Variants in OTOA observed in about 807,000 individuals in gnomAD.
OTOA encodes the protein cancer/testis antigen 108.
A neutral mutation model predicts 110.8 loss-of-function variants in OTOA; 70 were observed. The ratio of observed to expected loss-of-function variants is 0.63; its 90% CI spans 0.52 to 0.77. The LOEUF is 0.77. Among genes scored for constraint, OTOA ranks in the 30% least tolerant of loss-of-function variants. OTOA has a pLI of 0.00. For synonymous variants in OTOA, 373 were observed against 431.5 expected (o/e 0.86, Z 1.68); for missense variants, 917 against 1,075.8 (o/e 0.85, Z 2.06).
At chr16:21,689,024 CAGCTTAGATTGGTTACACCT>C (rs1897776470) in intron 8 of OTOA, among the ~76,000 whole-genome samples, 1 of 152,096 alleles carries the variant, frequency 6.6e-6, no homozygotes, top group African/African-American at 2.4e-5. Flanking sequence ...GATGCCATGC[CAGCTTAGATTGGTTACACCT>C]AGCCCTGCAT....
chr16:21,701,535 A>G (rs1474688622), intron 11 of OTOA, among the ~76,000 whole-genome samples: 2 of 152,082 alleles, frequency 1.3e-5, no homozygotes, highest in African/African-American at 4.8e-5. Flanking sequence ...AGGGACAGGA[A>G]CTCTACATTC....
intron 6 of OTOA, among the ~76,000 whole-genome samples, chr16:21,682,698 C>A (rs567617863): frequency 2.7e-4 from 41 of 152,260 alleles, no homozygotes; most frequent in African/African-American, 8.9e-4. Flanking sequence ...GAGAAAAATT[C>A]TTTCAGTATT....
At chr16:21,716,791 C>T in intron 14 of OTOA, 116 bp from the exon 15 acceptor site, 2 of 1,230,968 alleles carry the variant, frequency 1.6e-6, no homozygotes, top group Non-Finnish European at 2.4e-6. Context: ...TCTCCACTTC[C>T]TAGGGTTGCT....
At chr16:21,683,803 C>G (rs936267087) in intron 6 of OTOA, among the ~76,000 whole-genome samples, 3 of 148,408 alleles carry the variant, frequency 2.0e-5, no homozygotes, top group African/African-American at 7.5e-5. Flanking sequence ...GAGTCTTGCT[C>G]TGTTGCCCAG....
intron 18 of OTOA, among the ~76,000 whole-genome samples, chr16:21,724,010 G>C (rs1169069837): frequency 6.6e-6 from 1 of 152,176 alleles, no homozygotes; most frequent in Non-Finnish European, 1.5e-5. Flanking sequence ...TGGAGCTGGA[G>C]AGAAACCACA....
rs113757042 is a variant in OTOA at position 21,678,407 on chromosome 16, CAT to C, written c.-4-91_-4-90del. ...TTTTTCCTTTTGTCTTCTGAATGTC[CAT>C]ATATATATATATGTTTATATACATG... On this transcript the variant is annotated intron_variant, in intron 1 of 28. Transcript: ENST00000646100. 0.038 allele frequency: 24,128 copies of C among 630,356 alleles called. 419 individuals carry two copies. The highest frequency in any genetic ancestry group is 0.074 in the Middle Eastern group (153 of 2,074). The allele number at this position is 630,356 out of a possible 1,614,324, so 39.0% of individuals were successfully genotyped here.
chr16:21,691,801 T>C, intron 9 of OTOA, 114 bp downstream of exon 9: 1 of 952,086 alleles, frequency 1.1e-6, no homozygotes, highest in Non-Finnish European at 1.6e-6. Flanking sequence ...TTTTACCACC[T>C]CCCACTGCTT....
At chr16:21,691,751 C>A in intron 9 of OTOA, 64 bp downstream of exon 9, 1 of 1,392,102 alleles carries the variant, frequency 7.2e-7, no homozygotes, top group Non-Finnish European at 1.0e-6. Context: ...AGAGGTGTTT[C>A]ATCTCTGAAA....
intron 24 of OTOA, chr16:21,748,606 TC>T (rs1567405788): frequency 6.8e-6 from 1 of 146,336 alleles, no homozygotes; most frequent in African/African-American, 2.4e-5. Flanking sequence ...TGTTACTGCA[TC>T]CCCCGCCCCC....
intron 28 of OTOA, among the ~76,000 whole-genome samples, chr16:21,758,299 C>A (rs1259609623): frequency 6.6e-6 from 1 of 151,046 alleles, no homozygotes; most frequent in Non-Finnish European, 1.5e-5. Flanking sequence ...ATGTTCCCTG[C>A]CCTCATTGAG....
chr16:21,755,442 C>T (rs956523207), intron 27 of OTOA, among the ~76,000 whole-genome samples: 2 of 97,288 alleles, frequency 2.1e-5, no homozygotes, highest in African/African-American at 7.6e-5. Flanking sequence ...CTCTGACCAC[C>T]CCACCGTGTG....
intron 8 of OTOA, among the ~76,000 whole-genome samples, chr16:21,688,798 C>T (rs931713005): frequency 6.6e-6 from 1 of 152,100 alleles, no homozygotes; most frequent in African/African-American, 2.4e-5. Context: ...CTCTTAATAC[C>T]TTCATGTTGG....
intron 1 of OTOA, among the ~76,000 whole-genome samples, chr16:21,674,896 CTTTTTTTT>C (rs60269668): frequency 4.7e-4 from 14 of 29,778 alleles, no homozygotes; most frequent in African/African-American, 1.7e-3. Context: ...TTTTAAAAAT[CTTTTTTTT>C]TTTTTTTTTT....
rs898459704 is a variant in OTOA, at chr16:21,719,135, T to C, written c.1632T>C (p.Ala544=). 1 of 1,613,762 alleles carries C rather than the reference T, an allele frequency of 6.2e-7. No individual in the cohort carries two copies. The highest frequency in any genetic ancestry group is 8.5e-7 in the Non-Finnish European group (1 of 1,179,894). Residue 544 remains alanine, a splice_region_variant and synonymous_variant, in exon 16 of 29, where the codon GCT becomes GCC. Transcript: ENST00000646100. ...LKDKELGRSQ[A]LFLYELLLKT... is the part of the protein sequence containing the mutation. ...TAACGATCATTCTCTTCTCGCAGGCTCTGTTCCTGTATGAGCTTCTGTTAA... is the reference window on the plus strand; with the variant it reads ...TAACGATCATTCTCTTCTCGCAGGCCCTGTTCCTGTATGAGCTTCTGTTAA...
At chr16:21,695,891 A>ATTTTTTT (rs386384450) in intron 9 of OTOA, among the ~76,000 whole-genome samples, 28 of 41,890 alleles carry the variant, frequency 6.7e-4, no homozygotes, top group African/African-American at 2.0e-3. Flanking sequence ...ATATATATAT[A>ATTTTTTT]TTTTTTTTTT....
chr16:21,704,171 C>T (rs761825128), intron 11 of OTOA, among the ~76,000 whole-genome samples: 1 of 152,176 alleles, frequency 6.6e-6, no homozygotes, highest in African/African-American at 2.4e-5. Context: ...CACTTCTGCC[C>T]TTCCATTGTT....
chr16:21,712,429 A>G (rs1207013091), intron 13 of OTOA, among the ~76,000 whole-genome samples: 1 of 152,070 alleles, frequency 6.6e-6, no homozygotes, highest in Non-Finnish European at 1.5e-5. Flanking sequence ...CCGTAATTCT[A>G]GTGTTAGTAC....
chr16:21,687,483 G>T lies in OTOA; in HGVS notation c.470G>T (p.Arg157Leu), dbSNP rs867078628. The change falls in exon 8 of 29, where the codon CGC (arginine) becomes CTC (leucine). Residue 157 changes from arginine to leucine, a missense_variant. Physicochemically the swap from Arg to Leu is moderately radical, Grantham distance 102. Transcript: ENST00000646100. ...ERALQSPGVN[R>L]SLFLITLERC... ...GCCTTGCAGAGCCCTGGCGTGAACC[G>T]CAGCCTGTTTCTCATCACACTGGAG... The T allele has an allele frequency of 1.2e-6, 2 of 1,613,854 alleles. No individual in the cohort carries two copies. Among genetic ancestry groups the T allele is most frequent in the African/African-American group, 1.3e-5 (1 of 74,856 alleles).
At chr16:21,734,132 A>G (rs1899206586) in intron 21 of OTOA, among the ~76,000 whole-genome samples, 1 of 150,150 alleles carries the variant, frequency 6.7e-6, no homozygotes, top group Non-Finnish European at 1.5e-5. Flanking sequence ...CTATAAAGAA[A>G]TACCTGAGAC....
Sources: gnomAD v4.1 joint callset for allele counts (sites outside exome capture counted in the v4.1 genomes callset) on GRCh38, gnomAD v4.1.1 for gene constraint, MANE v1.5 for transcripts, NCBI Gene and HGNC (gene_info 2026-07-23, HGNC 2026-07-21) for gene names.